Variants in CAPS2 observed in about 807,000 individuals in gnomAD.
CAPS2 encodes calcyphosin-2.
Under a neutral mutation model 86.5 loss-of-function variants are expected in CAPS2, and 98 were observed. The ratio of observed to expected loss-of-function variants is 1.13; its 90% CI spans 0.96 to 1.34. The LOEUF (loss-of-function observed/expected upper bound fraction) is 1.34, where lower values mean the gene tolerates loss of function less well. CAPS2 is among the 40% of genes most tolerant of loss of function. The pLI is 0.00. For missense variants in CAPS2, 729 were observed against 686.8 expected, an observed-to-expected ratio of 1.06 and a Z score of -0.69; for synonymous variants, 210 against 225.1, an observed-to-expected ratio of 0.93 and a Z score of 0.60.
intron 11 of CAPS2, among the ~76,000 whole-genome samples, chr12:75,294,387 T>C (rs952091487): frequency 2.0e-5 from 3 of 152,244 alleles, no homozygotes; most frequent in African/African-American, 7.2e-5. Context: ...TTGAAATGTA[T>C]ACAAATACTT....
intron 11 of CAPS2, among the ~76,000 whole-genome samples, chr12:75,296,721 G>A (rs1003681308): frequency 6.6e-6 from 1 of 152,034 alleles, no homozygotes; most frequent in African/African-American, 2.4e-5. Flanking sequence ...ATATGAAAAG[G>A]CAAGTTCCAC....
intron 1 of CAPS2, among the ~76,000 whole-genome samples, chr12:75,362,265 T>C (rs74108724): frequency 6.6e-6 from 1 of 152,100 alleles, no homozygotes; most frequent in Admixed American, 6.6e-5. Context: ...AAAATGCTCA[T>C]CATCATTCAT....
chr12:75,382,022 T>C (rs1467676414), intron 1 of CAPS2, among the ~76,000 whole-genome samples: 3 of 152,232 alleles, frequency 2.0e-5, no homozygotes, highest in African/African-American at 7.2e-5. Flanking sequence ...GTAAAGTCTA[T>C]CTTTCTACCT....
chr12:75,311,699 G>GAAAAAAAAAAAAAA (rs764314438), intron 7 of CAPS2, among the ~76,000 whole-genome samples: 2 of 16,994 alleles, frequency 1.2e-4, no homozygotes, highest in Non-Finnish European at 3.2e-4. Flanking sequence ...AAGCCATGCA[G>GAAAAAAAAAAAAAA]GAAAAAAAAA....
intron 1 of CAPS2, chr12:75,343,939 G>T (rs527762752): frequency 6.3e-7 from 1 of 1,595,150 alleles, no homozygotes; most frequent in East Asian, 2.2e-5. Flanking sequence ...TTATACACAG[G>T]TAAATATTTG....
downstream of CAPS2, chr12:75,276,335 T>C: frequency 2.0e-6 from 3 of 1,476,058 alleles, no homozygotes; most frequent in South Asian, 2.8e-5. Flanking sequence ...TTACATAATC[T>C]GCAGTAAACA....
At chr12:75,316,224 C>T (rs10879900) in intron 6 of CAPS2, 88 bp downstream of exon 6, 537,977 of 1,460,526 alleles carry the variant, frequency 0.37, 104,194 homozygotes, top group East Asian at 0.46. Context: ...TCAACTGTTG[C>T]AATTATTTAT....
At chr12:75,288,732 A>C (rs758637925) in intron 14 of CAPS2, among the ~76,000 whole-genome samples, 1 of 152,162 alleles carries the variant, frequency 6.6e-6, no homozygotes, top group Non-Finnish European at 1.5e-5. Flanking sequence ...ATCCATTCAA[A>C]CTAATGCATT....
intron 1 of CAPS2, chr12:75,362,956 G>T (rs1593827379): frequency 4.0e-6 from 2 of 500,662 alleles, no homozygotes; most frequent in East Asian, 3.9e-5. Context: ...TTTAACAAAA[G>T]AAATGAAAAT....
intron 14 of CAPS2, among the ~76,000 whole-genome samples, chr12:75,288,257 C>T (rs1476198075): frequency 6.6e-6 from 1 of 152,084 alleles, no homozygotes; most frequent in Non-Finnish European, 1.5e-5. Flanking sequence ...AAAGATTAAA[C>T]ATCATAAAAA....
intron 1 of CAPS2, among the ~76,000 whole-genome samples, chr12:75,375,960 G>A (rs2044626102): frequency 6.6e-6 from 1 of 152,210 alleles, no homozygotes. Context: ...CTTCAAGGAT[G>A]CAGGTACTCC....
intron 1 of CAPS2, chr12:75,364,932 C>T (rs1405432484): frequency 6.6e-6 from 1 of 152,056 alleles, no homozygotes. Context: ...CAGGAATCAG[C>T]AAATTATTTA....
chr12:75,299,709 G>T, intron 9 of CAPS2, 128 bp downstream of exon 9: 1 of 445,264 alleles, frequency 2.2e-6, no homozygotes, highest in South Asian at 5.3e-5. Context: ...TAAAATGTTT[G>T]TTCTAAATTC....
At chr12:75,330,402 C>A (rs1164607688), upstream of CAPS2, among the ~76,000 whole-genome samples, 1 of 152,224 alleles carries the variant, frequency 6.6e-6, no homozygotes, top group Admixed American at 6.5e-5. Context: ...GGGAAAGGGC[C>A]AAAGCCCGGC....
chr12:75,357,756 C>T (rs112452345), intron 1 of CAPS2, among the ~76,000 whole-genome samples: 4 of 151,724 alleles, frequency 2.6e-5, no homozygotes, highest in African/African-American at 9.7e-5. Flanking sequence ...TTCTAAATAA[C>T]TCATGAATCA....
Position 75,321,407 on chromosome 12 carries a change from T to C in CAPS2, c.461A>G (p.Asp154Gly), listed in dbSNP as rs747772565. 9.8e-6 allele frequency: 15 copies of C among 1,533,854 alleles called. No individual in the cohort carries two copies. In the South Asian group the frequency reaches 1.8e-4, roughly 19 times the overall value. The change falls in exon 5 of 17, where the codon GAT becomes GGT. Residue 154 changes from aspartate to glycine, a missense_variant. Transcript: ENST00000393284. ...TAAAGCCTCATACATTACCTTTTCA[T>C]CTATCTTGTTTCTTGGAGACTGTTT...
At chr12:75,362,877 T>C (rs757041333) in intron 1 of CAPS2, among the ~76,000 whole-genome samples, 1 of 152,214 alleles carries the variant, frequency 6.6e-6, no homozygotes. Context: ...CTCATTATTC[T>C]TCTATAGAAT....
chr12:75,328,017 G>A (rs11180464), upstream of CAPS2, among the ~76,000 whole-genome samples: 25,614 of 151,406 alleles, frequency 0.17, 2,579 homozygotes, highest in South Asian at 0.39. Context: ...CCACTCTAAA[G>A]TCAAGGAGAC....
intron 1 of CAPS2, among the ~76,000 whole-genome samples, chr12:75,389,036 T>A (rs769185482): frequency 2.0e-5 from 3 of 152,240 alleles, no homozygotes; most frequent in Non-Finnish European, 4.4e-5. Context: ...TACCACTCCC[T>A]GGCTGGGTGG....
Sources: gnomAD v4.1 joint callset for allele counts (sites outside exome capture counted in the v4.1 genomes callset) on GRCh38, gnomAD v4.1.1 for gene constraint, MANE v1.5 for transcripts, NCBI Gene and HGNC (gene_info 2026-07-23, HGNC 2026-07-21) for gene names.